Variants in ITGA2B observed in about 807,000 individuals in gnomAD.
The protein encoded by ITGA2B is integrin alpha-IIb.
ITGA2B carries 91 observed loss-of-function variants against 142.0 expected under a neutral mutation model. The observed-to-expected ratio is 0.64, with a 90% CI of 0.54 to 0.76. ITGA2B has a LOEUF of 0.76. Ranked by LOEUF, ITGA2B falls within the 30% of genes least tolerant of loss-of-function variation. The probability of loss-of-function intolerance (pLI) is 0.00; values close to 1 mark genes in which losing one functional copy is unlikely to be tolerated. For synonymous variants in ITGA2B, 536 were observed against 567.2 expected (o/e 0.94, Z 0.78); for missense variants, 1,231 against 1,350.8 (o/e 0.91, Z 1.39).
At chr17:44,389,147 G>A in intron 1 of ITGA2B, 139 bp downstream of exon 1, 1 of 983,084 alleles carries the variant, frequency 1.0e-6, no homozygotes, top group Non-Finnish European at 1.6e-6. Flanking sequence ...CAACATTCTT[G>A]ACAAGAAATC....
Position 44,389,610 on chromosome 17 carries a change from A to G in ITGA2B, c.-137T>C. On this transcript the variant is annotated 5_prime_UTR_variant, in exon 1 of 30. Transcript: ENST00000262407. ...TGAGCAACGGGCAGAGCAAAGGGCTATAGCCCCTGGACTCATGGTGGCTAG... is the reference window on the plus strand; with the variant it reads ...TGAGCAACGGGCAGAGCAAAGGGCTGTAGCCCCTGGACTCATGGTGGCTAG... 1 of 976,090 alleles carries G rather than the reference A, an allele frequency of 1.0e-6. No homozygotes were observed. The highest frequency in any genetic ancestry group is 2.6e-5 in the East Asian group (1 of 38,468). 60.5% of individuals were successfully genotyped at this position (976,090 alleles called of 1,614,324 possible).
chr17:44,385,745 G>C, intron 3 of ITGA2B, 29 bp from the exon 4 acceptor site: 1 of 1,613,434 alleles, frequency 6.2e-7, no homozygotes, highest in African/African-American at 1.3e-5. Flanking sequence ...AGTGGGGACG[G>C]GCGCGAGACT....
rs371047361 is a variant in ITGA2B, at chr17:44,372,430, G to A, written c.3061-7C>T. On this transcript the variant is annotated splice_polypyrimidine_tract_variant and splice_region_variant and intron_variant, in intron 29 of 29. Coordinates refer to ENST00000262407, the MANE Select transcript of ITGA2B (RefSeq NM_000419.5). ...TCCGCTTGAAGAAGCCGACCTGGGG[G>A]TACACGGGGGCCAAGGTCAGGGTAT... 13 of 1,613,758 alleles carry A rather than the reference G, an allele frequency of 8.1e-6. No individual in the cohort carries two copies. In the African/African-American group the frequency reaches 1.6e-4, roughly 20 times the overall value.
chr17:44,375,626 C>G lies in ITGA2B; in HGVS notation c.2692G>C (p.Glu898Gln), dbSNP rs750710760. The G allele has an allele frequency of 1.2e-6, 2 of 1,613,806 alleles. No homozygotes were observed. The highest frequency in any genetic ancestry group is 8.5e-7 in the Non-Finnish European group (1 of 1,179,948). Residue 898 changes from glutamate (E) to glutamine (Q), a missense_variant, in exon 26 of 30, where the codon GAG (glutamate) becomes CAG (glutamine). Physicochemically the swap from Glu to Gln is conservative, Grantham distance 29. Transcript: ENST00000262407. Reference protein sequence around the residue: ...DRRQIFLPEPEQPSRLQDPVL... With the variant: ...DRRQIFLPEPQQPSRLQDPVL... ...GGATCCTGAAGCCTCGAGGGCTGCT[C>G]GGGCTCTGGCAGGAAGATCTGTCTG...
At chr17:44,382,756 G>A (rs972086725) in intron 12 of ITGA2B, among the ~76,000 whole-genome samples, 4 of 150,674 alleles carry the variant, frequency 2.7e-5, no homozygotes, top group East Asian at 1.9e-4. Flanking sequence ...GAGCTGCAGC[G>A]CCCACTTCCT....
intron 1 of ITGA2B, among the ~76,000 whole-genome samples, chr17:44,387,095 A>G (rs2048655950): frequency 1.3e-5 from 2 of 152,068 alleles, no homozygotes; most frequent in Admixed American, 6.6e-5. Flanking sequence ...ATGTTTAAGT[A>G]GTGCCAATGG....
intron 11 of ITGA2B, 60 bp downstream of exon 11, chr17:44,383,832 CAG>C (rs2048618579): frequency 3.8e-6 from 6 of 1,598,210 alleles, no homozygotes; most frequent in Non-Finnish European, 5.1e-6. Context: ...GAAAGGGAGA[CAG>C]AGGGCAGCTC....
In ITGA2B at chr17:44,379,698, C is replaced by A. The variant is rs147042526; in HGVS notation, c.1869G>T (p.Val623=). 6.2e-7 allele frequency: 1 copy of A among 1,613,846 alleles called. No homozygotes were observed. Among genetic ancestry groups the A allele is most frequent in the African/African-American group, 1.3e-5 (1 of 74,912 alleles). Residue 623 remains valine (V), a synonymous_variant, in exon 18 of 30, where the codon GTG becomes GTT. Transcript: ENST00000262407. ...PAVVLHGDTH[V]QEQTRIVLDC... ...CCCTGCCTGTCCCTACCTGCTCCTG[C>A]ACATGGGTGTCTCCATGCAGCACGA... is the stretch of plus-strand genomic sequence containing the variant.
rs79289329 is a variant in ITGA2B at position 44,379,719 on chromosome 17, C to T, written c.1848G>A (p.Val616=). ...CCTGCACATGGGTGTCTCCATGCAGCACGACAGCAGGGGCCATTCCAGCCT... is the reference window on the plus strand; with the variant it reads ...CCTGCACATGGGTGTCTCCATGCAGTACGACAGCAGGGGCCATTCCAGCCT... ...PTEAGMAPAV[V]LHGDTHVQEQ... The change falls in exon 18 of 30, where the codon GTG becomes GTA. Residue 616 remains valine (V), a synonymous_variant. Coordinates refer to ENST00000262407, the MANE Select transcript of ITGA2B (RefSeq NM_000419.5). 1,676 of 1,613,958 alleles carry T rather than the reference C, an allele frequency of 1.0e-3. 14 individuals carry two copies. In the African/African-American group the frequency reaches 0.018, roughly 17 times the overall value.
Position 44,389,464 on chromosome 17 carries a change from C to G in ITGA2B, c.10G>C (p.Ala4Pro). MAR[A>P]LCPLQALWLL... ...CAGAGGGCTTGCAGTGGACACAAAG[C>G]TCTGGCCATCTTCCTTCTTCCACAA... The change falls in exon 1 of 30, where the codon GCT becomes CCT. Residue 4 changes from alanine to proline, a missense_variant. By Grantham distance (27) the Ala-to-Pro change is conservative. Around this residue, in one of 3 missense-constraint regions of ITGA2B, gnomAD observed 318 missense variants for 312.2 expected, o/e 1.02. Transcript: ENST00000262407. 6.2e-7 allele frequency: 1 copy of G among 1,613,490 alleles called. No individual in the cohort carries two copies. The highest frequency in any genetic ancestry group is 1.1e-5 in the South Asian group (1 of 91,046).
At position 44,375,869 on chromosome 17, in the gene ITGA2B, A is replaced by T. The variant is rs5916; in HGVS notation, c.2565T>A (p.Leu855=). Residue 855 remains leucine (L), a synonymous_variant, in exon 25 of 30, where the codon CTT becomes CTA. Coordinates refer to ENST00000262407, the MANE Select transcript of ITGA2B (RefSeq NM_000419.5). ...YILDIQPQGG[L]QCFPQPPVNP... ...TGACAGGAGGCTGTGGGAAGCACTG[A>T]AGGCCCCCCTGGGGCTGTATATCCA... 1.2e-6 allele frequency: 2 copies of T among 1,600,332 alleles called. No individual in the cohort carries two copies. The highest frequency in any genetic ancestry group is 1.7e-6 in the Non-Finnish European group (2 of 1,173,832).
At chr17:44,384,487 G>T (rs1567904802) in intron 8 of ITGA2B, 51 bp downstream of exon 8, 5 of 1,610,548 alleles carry the variant, frequency 3.1e-6, no homozygotes, top group Non-Finnish European at 4.2e-6. Context: ...TCAGGAAGGC[G>T]CTCCTCCCCG....
At chr17:44,379,565 T>C in intron 18 of ITGA2B, 124 bp downstream of exon 18, 2 of 1,497,300 alleles carry the variant, frequency 1.3e-6, no homozygotes, top group Non-Finnish European at 9.2e-7. Flanking sequence ...GATTTTGAGG[T>C]TTTCATTAGG....
Position 44,372,433 on chromosome 17 carries a change from C to G in ITGA2B, c.3061-10G>C. 6.2e-7 allele frequency: 1 copy of G among 1,613,870 alleles called. No individual in the cohort carries two copies. On this transcript the variant is annotated splice_polypyrimidine_tract_variant and intron_variant, in intron 29 of 29. Transcript: ENST00000262407. ...GCTTGAAGAAGCCGACCTGGGGGTACACGGGGGCCAAGGTCAGGGTATACA... is the reference window on the plus strand; with the variant it reads ...GCTTGAAGAAGCCGACCTGGGGGTAGACGGGGGCCAAGGTCAGGGTATACA...
Position 44,374,796 on chromosome 17 carries a change from C to CAAGAG in ITGA2B, c.2842-41_2842-37dup, listed in dbSNP as rs773485328. ...TGGGGTTGAAAGCCGTTTACACCCACAAGAGGCCTATTGGTTGCAGGAGTC... is the reference window on the plus strand; with the variant it reads ...TGGGGTTGAAAGCCGTTTACACCCACAAGAGAAGAGGCCTATTGGTTGCAGGAGTC... On this transcript the variant is annotated intron_variant, in intron 27 of 29. Coordinates refer to ENST00000262407, the MANE Select transcript of ITGA2B (RefSeq NM_000419.5). 1.2e-5 allele frequency: 18 copies of CAAGAG among 1,562,764 alleles called. No individual in the cohort carries two copies. The African/African-American group carries it at 2.0e-4, about 18-fold the overall frequency.
chr17:44,380,828 A>AT, intron 13 of ITGA2B, 51 bp downstream of exon 13: 1 of 1,609,164 alleles, frequency 6.2e-7, no homozygotes. Context: ...CTTCCAGCGA[A>AT]TGTCCAAGGG....
chr17:44,382,405 AC>A (rs2048604983), intron 12 of ITGA2B, among the ~76,000 whole-genome samples: 1 of 150,518 alleles, frequency 6.6e-6, no homozygotes, highest in Non-Finnish European at 1.5e-5. Flanking sequence ...TTCATACCTT[AC>A]CCCATTGCAT....
Position 44,380,622 on chromosome 17 carries a change from C to T in ITGA2B, c.1417G>A (p.Ala473Thr). ...YPDLIVGAYG[A>T]NQVAVYRAQP... ...CACCTGTACACAGCCACCTGGTTGG[C>T]CCCGTAAGCTCCCACGATCAGGTCT... Residue 473 changes from alanine (A) to threonine (T), a missense_variant, in exon 14 of 30, where the codon GCC becomes ACC. Transcript: ENST00000262407. 3.1e-6 allele frequency: 5 copies of T among 1,614,208 alleles called. No homozygotes were observed. The highest frequency in any genetic ancestry group is 1.1e-5 in the South Asian group (1 of 91,084).
chr17:44,380,875 G>T lies in ITGA2B; in HGVS notation c.1393+4C>A, dbSNP rs750942427. On this transcript the variant is annotated splice_donor_region_variant and intron_variant, in intron 13 of 29. Coordinates refer to ENST00000262407, the MANE Select transcript of ITGA2B (RefSeq NM_000419.5). ...CATTTCTAGCTGGAGGCAGTCCAGG[G>T]CACCTGGGTATCCGTTGTCATCGAT... 4 of 1,614,084 alleles carry T rather than the reference G, an allele frequency of 2.5e-6. No homozygotes were observed.
Sources: gnomAD v4.1 joint callset for allele counts (sites outside exome capture counted in the v4.1 genomes callset) on GRCh38, gnomAD v4.1.1 for gene constraint, gnomAD v4.1.1 regional missense constraint, MANE v1.5 for transcripts, NCBI Gene and HGNC (gene_info 2026-07-23, HGNC 2026-07-21) for gene names.